Variants in DNM3 observed in about 807,000 individuals in gnomAD.
DNM3 encodes dynamin 3.
In DNM3, 47 loss-of-function variants were observed where a neutral mutation model predicts 101.6. The ratio of observed to expected loss-of-function variants is 0.46; its 90% CI spans 0.37 to 0.59. The LOEUF is 0.59. Among genes scored for constraint, DNM3 ranks in the 20% least tolerant of loss-of-function variants. The pLI is 0.00. For missense variants in DNM3, 849 were observed against 1,085.7 expected (o/e 0.78, Z 3.06); for synonymous variants, 385 against 387.9 (o/e 0.99, Z 0.09).
chr1:172,394,585 G>T (rs537336031), intron 20 of DNM3, among the ~76,000 whole-genome samples: 1 of 152,272 alleles, frequency 6.6e-6, no homozygotes, highest in South Asian at 2.1e-4. Flanking sequence ...ACAAATAATA[G>T]CAAATAGCTC....
At chr1:172,193,094 T>C (rs988652550) in intron 14 of DNM3, among the ~76,000 whole-genome samples, 5 of 151,914 alleles carry the variant, frequency 3.3e-5, no homozygotes, top group African/African-American at 4.8e-5. Context: ...TGGTATCTCA[T>C]TGTGGTTTTG....
intron 2 of DNM3, among the ~76,000 whole-genome samples, chr1:171,923,397 A>G (rs2040331010): frequency 6.6e-6 from 1 of 152,118 alleles, no homozygotes; most frequent in Admixed American, 6.5e-5. Flanking sequence ...ACAGATATAT[A>G]TTAAATACAA....
intron 11 of DNM3, among the ~76,000 whole-genome samples, chr1:172,070,044 G>A (rs74539488): frequency 0.06 from 9,071 of 152,148 alleles, 501 homozygotes; most frequent in East Asian, 0.17. Flanking sequence ...TGGGACATTC[G>A]TGAGTGATTC....
chr1:172,240,858 G>T (rs533080089), intron 14 of DNM3, among the ~76,000 whole-genome samples: 20 of 152,156 alleles, frequency 1.3e-4, no homozygotes, highest in Non-Finnish European at 2.8e-4. Context: ...ATGCCTTGGA[G>T]CACAAAAAGA....
At chr1:171,981,934 C>A (rs1032684827) in intron 2 of DNM3, among the ~76,000 whole-genome samples, 1 of 152,152 alleles carries the variant, frequency 6.6e-6, no homozygotes, top group South Asian at 2.1e-4. Context: ...CTTTGTATGA[C>A]TTTGTGGCTA....
chr1:172,224,439 TC>T (rs1383406145), intron 14 of DNM3, among the ~76,000 whole-genome samples: 1 of 152,110 alleles, frequency 6.6e-6, no homozygotes, highest in East Asian at 1.9e-4. Flanking sequence ...TTCAAAGTGA[TC>T]CAGGTCCTTT....
intron 17 of DNM3, among the ~76,000 whole-genome samples, chr1:172,339,511 A>G (rs2066594897): frequency 6.6e-6 from 1 of 152,172 alleles, no homozygotes; most frequent in Non-Finnish European, 1.5e-5. Flanking sequence ...TTGTCATGCT[A>G]TGCTTACGGG....
At chr1:172,109,855 C>T (rs1254716113) in intron 13 of DNM3, among the ~76,000 whole-genome samples, 1 of 152,124 alleles carries the variant, frequency 6.6e-6, no homozygotes, top group South Asian at 2.1e-4. Context: ...TTTCAGTTAG[C>T]CATCATTAAG....
chr1:172,165,029 A>G (rs2058697356), intron 14 of DNM3, among the ~76,000 whole-genome samples: 1 of 152,222 alleles, frequency 6.6e-6, no homozygotes, highest in East Asian at 1.9e-4. Context: ...ATTTTAACCA[A>G]GAGTACAATG....
rs760093481 is a variant in DNM3 at position 172,323,334 on chromosome 1, C to A, written c.1887C>A (p.Asn629Lys). The A allele has an allele frequency of 1.2e-6, 2 of 1,605,862 alleles. No homozygotes were observed. Among genetic ancestry groups the A allele is most frequent in the African/African-American group, 1.3e-5 (1 of 74,700 alleles). Residue 629 changes from asparagine (N) to lysine (K), a missense_variant, in exon 17 of 21, where the codon AAC becomes AAA. This residue lies in a region of DNM3 where 256 missense variants were observed against 311.7 expected (regional missense o/e 0.82). Coordinates refer to ENST00000627582, the MANE Select transcript of DNM3 (RefSeq NM_015569.5). Reference protein sequence around the residue: ...AGVYPDKSVGNNKAENDENGQ... With the variant: ...AGVYPDKSVGKNKAENDENGQ... The stretch of plus-strand genomic sequence containing the variant: ...CCTTGCGGCTACATGCATAGGGGAA[C>A]AACAAAGTAAGTTATTTGTCCTCTT...
intron 4 of DNM3, among the ~76,000 whole-genome samples, chr1:171,992,266 G>T (rs953043643): frequency 2.0e-5 from 3 of 152,120 alleles, no homozygotes; most frequent in African/African-American, 4.8e-5. Context: ...TTCAGAAGAA[G>T]ATTCATTTAT....
At chr1:172,063,982 A>G (rs2051454906) in intron 10 of DNM3, among the ~76,000 whole-genome samples, 1 of 152,032 alleles carries the variant, frequency 6.6e-6, no homozygotes, top group African/African-American at 2.4e-5. Flanking sequence ...TTTCTCTTGT[A>G]TGACTATTTA....
In DNM3 at chr1:172,230,166, C is replaced by T. The variant is rs567164206; in HGVS notation, c.1660-23407C>T. ...TCTGAGAATTCTGTGTATCTTGGCT[C>T]TGCCCCATGTGAGAATGAGCGAGAT... On this transcript the variant is annotated intron_variant, in intron 14 of 20. Coordinates refer to ENST00000627582, the MANE Select transcript of DNM3 (RefSeq NM_015569.5). Among the ~76,000 whole-genome samples the T allele has an allele frequency of 1.8e-4, 27 of 151,326 alleles. 1 individual carries two copies. The highest frequency in any genetic ancestry group is 9.2e-4 in the Admixed American group (14 of 15,242).
chr1:172,203,636 G>A (rs10911275), intron 14 of DNM3, among the ~76,000 whole-genome samples: 14,834 of 152,096 alleles, frequency 0.098, 943 homozygotes, highest in African/African-American at 0.17. Flanking sequence ...CTTCCCTGTA[G>A]TCTGTGAAGT....
At chr1:172,027,658 G>A (rs190393961) in intron 4 of DNM3, among the ~76,000 whole-genome samples, 3 of 151,790 alleles carry the variant, frequency 2.0e-5, no homozygotes, top group Non-Finnish European at 4.4e-5. Flanking sequence ...ACCCATCCAT[G>A]TGCTGTATTC....
At chr1:172,297,888 T>C (rs915046958) in intron 15 of DNM3, among the ~76,000 whole-genome samples, 1 of 152,072 alleles carries the variant, frequency 6.6e-6, no homozygotes, top group African/African-American at 2.4e-5. Flanking sequence ...AAAATATGTC[T>C]TTTATAATTG....
At chr1:171,916,901 C>T (rs1046794880) in intron 1 of DNM3, among the ~76,000 whole-genome samples, 2 of 152,142 alleles carry the variant, frequency 1.3e-5, no homozygotes, top group African/African-American at 4.8e-5. Flanking sequence ...CTCTGGTCTT[C>T]CATGTCTTCG....
chr1:172,053,218 A>C (rs950162854), intron 10 of DNM3, among the ~76,000 whole-genome samples: 1 of 152,046 alleles, frequency 6.6e-6, no homozygotes, highest in East Asian at 1.9e-4. Flanking sequence ...CAGCCATTCT[A>C]GATGATTTGC....
chr1:172,025,746 A>G (rs753256064), intron 4 of DNM3, among the ~76,000 whole-genome samples: 3 of 152,162 alleles, frequency 2.0e-5, no homozygotes, highest in Non-Finnish European at 2.9e-5. Flanking sequence ...CAAATCAGAA[A>G]AGAATAGCAT....
Sources: allele counts gnomAD v4.1 joint callset (sites outside exome capture counted in the v4.1 genomes callset), GRCh38; gene constraint gnomAD v4.1.1; regional missense constraint gnomAD v4.1.1; transcripts MANE v1.5; gene names NCBI Gene and HGNC (gene_info 2026-07-23, HGNC 2026-07-21).